Variants in DPP6 observed in about 807,000 individuals in gnomAD.
DPP6 encodes the protein A-type potassium channel modulatory protein DPP6.
Under a neutral mutation model 122.6 loss-of-function variants are expected in DPP6, and 69 were observed. The ratio of observed to expected loss-of-function variants is 0.56; its 90% CI spans 0.46 to 0.69. The LOEUF (loss-of-function observed/expected upper bound fraction) is 0.69. DPP6 is among the 30% of genes least tolerant of loss of function. The pLI, the probability that DPP6 is intolerant of heterozygous loss-of-function variation, is 0.00. For missense variants in DPP6, 928 were observed against 1,116.9 expected (o/e 0.83, Z 2.41); for synonymous variants, 418 against 433.1 (o/e 0.97, Z 0.43).
intron 1 of DPP6, among the ~76,000 whole-genome samples, chr7:153,888,891 A>C (rs1289239021): frequency 6.6e-6 from 1 of 152,148 alleles, no homozygotes; most frequent in African/African-American, 2.4e-5. Context: ...ATGGGGGTGC[A>C]GAGGCACCTT....
chr7:154,061,686 A>T (rs1179429968), intron 1 of DPP6, among the ~76,000 whole-genome samples: 2 of 134,208 alleles, frequency 1.5e-5, no homozygotes, highest in Non-Finnish European at 3.2e-5. Context: ...GGCTCTTGGG[A>T]CCACCATCGC....
chr7:153,969,876 C>T (rs570789253), intron 1 of DPP6, among the ~76,000 whole-genome samples: 1 of 151,742 alleles, frequency 6.6e-6, no homozygotes, highest in East Asian at 1.9e-4. Context: ...CAGTGCTCTG[C>T]TTTCTAACAC....
intron 6 of DPP6, among the ~76,000 whole-genome samples, chr7:154,652,268 T>TG (rs1273798890): frequency 1.3e-5 from 2 of 152,078 alleles, no homozygotes; most frequent in Non-Finnish European, 2.9e-5. Context: ...AAAGGCGTTT[T>TG]TTTTTTCCTA....
Position 154,204,799 on chromosome 7 carries a change from C to G in DPP6, c.243+151736C>G, listed in dbSNP as rs73165253. 2.4e-4 allele frequency among the ~76,000 whole-genome samples: 21 copies of G among 88,486 alleles called. No homozygotes were observed. In the East Asian group the frequency reaches 6.0e-3, roughly 25 times the overall value. 58.1% of individuals were successfully genotyped at this position (88,486 alleles called of 152,430 possible). The stretch of plus-strand genomic sequence containing the variant: ...TTGATGACCTTGTGTGTGTGTGTGT[C>G]TGTACGTGTGTGAGTATGTGTACCT... On this transcript the variant is annotated intron_variant, in intron 1 of 25. Coordinates refer to ENST00000377770, the MANE Select transcript of DPP6 (RefSeq NM_130797.4).
intron 16 of DPP6, among the ~76,000 whole-genome samples, chr7:154,845,842 T>C (rs1801899810): frequency 6.6e-6 from 1 of 152,180 alleles, no homozygotes; most frequent in Non-Finnish European, 1.5e-5. Context: ...GTGTAGACCG[T>C]ATTATTGTTC....
intron 7 of DPP6, among the ~76,000 whole-genome samples, chr7:154,717,668 C>T (rs912136744): frequency 5.9e-5 from 9 of 152,188 alleles, no homozygotes; most frequent in African/African-American, 2.2e-4. Context: ...TGGGTTGATT[C>T]CATGTCTTGC....
rs1488048111 is a variant in DPP6 at position 154,602,440 on chromosome 7, T to C, written c.628-35381T>C. ...TGTTTGTTTTTGTTTTGTTTTGAGA[T>C]GGAGTCTCGTTCTGTTGCCCAGGCT... On this transcript the variant is annotated intron_variant, in intron 5 of 25. Coordinates refer to ENST00000377770, the MANE Select transcript of DPP6 (RefSeq NM_130797.4). Among the ~76,000 whole-genome samples the C allele has an allele frequency of 2.5e-5, 3 of 121,438 alleles. 1 individual carries two copies. Among genetic ancestry groups the C allele is most frequent in the Non-Finnish European group, 5.6e-5 (3 of 53,900 alleles). The allele number at this position is 121,438 out of a possible 152,430, so 79.7% of individuals were successfully genotyped here.
At chr7:154,014,641 G>A (rs1396863576) in intron 1 of DPP6, among the ~76,000 whole-genome samples, 4 of 151,810 alleles carry the variant, frequency 2.6e-5, no homozygotes, top group Non-Finnish European at 4.4e-5. Context: ...GAGCCTGGGT[G>A]ACAGAGTGAG....
intron 1 of DPP6, among the ~76,000 whole-genome samples, chr7:154,029,255 A>G (rs866567273): frequency 5.3e-5 from 8 of 150,582 alleles, no homozygotes; most frequent in South Asian, 2.1e-4. Flanking sequence ...AGTGGCTCAC[A>G]CCTGTAATCC....
At chr7:153,924,773 G>A (rs533420835) in intron 1 of DPP6, among the ~76,000 whole-genome samples, 278 of 152,300 alleles carry the variant, frequency 1.8e-3, no homozygotes, top group Non-Finnish European at 2.9e-3. Flanking sequence ...GGTGTTGCAG[G>A]ACGTTGTGTG....
intron 1 of DPP6, among the ~76,000 whole-genome samples, chr7:154,021,943 A>C (rs1014448079): frequency 1.4e-4 from 22 of 152,186 alleles, no homozygotes; most frequent in Non-Finnish European, 2.6e-4. Flanking sequence ...CCTACCAGCT[A>C]TCTGGGCATC....
chr7:154,669,335 TTTTG>T (rs1295718399), intron 6 of DPP6, 21 bp from the exon 7 acceptor site: 14 of 1,551,810 alleles, frequency 9.0e-6, no homozygotes, highest in African/African-American at 8.2e-5. Context: ...TTTGCTTTGT[TTTTG>T]TTTGTTTGTT....
the DPP6 span, among the ~76,000 whole-genome samples, chr7:153,837,886 C>G: frequency 1.6e-5 from 2 of 126,904 alleles, no homozygotes; most frequent in Non-Finnish European, 3.2e-5. Flanking sequence ...TTTGCCCAGG[C>G]TGGTCTTGAA....
At chr7:154,885,789 C>T (rs767570649) in intron 22 of DPP6, 45 bp downstream of exon 22, 112 of 1,551,338 alleles carry the variant, frequency 7.2e-5, no homozygotes, top group African/African-American at 2.7e-4. Context: ...GCTCCCGCCC[C>T]GCCCCGCCCC....
the DPP6 span, among the ~76,000 whole-genome samples, chr7:153,876,901 G>A: frequency 1.3e-5 from 2 of 151,934 alleles, no homozygotes; most frequent in African/African-American, 4.8e-5. Flanking sequence ...TCTAAACATA[G>A]AAAAGGTAAA....
At chr7:153,895,179 T>G (rs530814069) in intron 1 of DPP6, among the ~76,000 whole-genome samples, 3 of 152,246 alleles carry the variant, frequency 2.0e-5, no homozygotes, top group African/African-American at 7.2e-5. Context: ...AAAGATACTC[T>G]ATTATGTGTC....
the DPP6 span, among the ~76,000 whole-genome samples, chr7:153,825,231 T>G: frequency 6.6e-6 from 1 of 152,174 alleles, no homozygotes; most frequent in Admixed American, 6.6e-5. Context: ...TAATTTACAC[T>G]GTTTTGTAAT....
At chr7:153,882,552 A>G (rs1302277455), upstream of DPP6, among the ~76,000 whole-genome samples, 1 of 152,246 alleles carries the variant, frequency 6.6e-6, no homozygotes, top group African/African-American at 2.4e-5. Context: ...CATTTTGCCA[A>G]AAGTCTCAAC....
In DPP6 at chr7:154,131,006, C is replaced by T. The variant is rs547936326; in HGVS notation, c.243+77943C>T. Among the ~76,000 whole-genome samples, 11 of 152,082 alleles carry T rather than the reference C, an allele frequency of 7.2e-5. No homozygotes were observed. The South Asian group carries it at 1.9e-3, about 26-fold the overall frequency. On this transcript the variant is annotated intron_variant, in intron 1 of 25. Coordinates refer to ENST00000377770, the MANE Select transcript of DPP6 (RefSeq NM_130797.4). Reference sequence around the variant, plus strand: ...ATAAACCAGGCAGTTCGTCAGTGGCCGATTCAGAAGCCGGAGCCAAGGGTC... The same window carrying T: ...ATAAACCAGGCAGTTCGTCAGTGGCTGATTCAGAAGCCGGAGCCAAGGGTC...
Sources: allele counts gnomAD v4.1 joint callset (sites outside exome capture counted in the v4.1 genomes callset), GRCh38; gene constraint gnomAD v4.1.1; transcripts MANE v1.5; gene names NCBI Gene and HGNC (gene_info 2026-07-23, HGNC 2026-07-21).